The following TEKTL1 variants were observed in gnomAD, a reference collection of about 807,000 sequenced individuals.
TEKTL1 encodes tektin like 1.
At chr19:15,021,986 C>CT in the TEKTL1 span, 1 of 1,241,540 alleles carries the variant, frequency 8.1e-7, no homozygotes, top group Non-Finnish European at 1.2e-6. Context: ...TCCTCAAGCA[C>CT]ATCTGGACCA....
the TEKTL1 span, among the ~76,000 whole-genome samples, chr19:15,014,738 C>CGGGGGGGGGGGG: frequency 3.0e-4 from 9 of 29,810 alleles, no homozygotes; most frequent in African/African-American, 1.2e-3. Context: ...GGGCGGGGGG[C>CGGGGGGGGGGGG]GGGGGCTGCT....
chr19:15,013,803 G>C, the TEKTL1 span: 1 of 1,436,646 alleles, frequency 7.0e-7, no homozygotes, highest in Non-Finnish European at 9.7e-7. Context: ...GACAAGTTAC[G>C]GGGGCTGGAG....
At chr19:15,019,324 T>A in the TEKTL1 span, among the ~76,000 whole-genome samples, 2 of 152,236 alleles carry the variant, frequency 1.3e-5, no homozygotes, top group Non-Finnish European at 2.9e-5. Flanking sequence ...ATACAATTTT[T>A]ATTTATCAAT....
chr19:15,011,324 G>T, the TEKTL1 span: 1 of 1,516,134 alleles, frequency 6.6e-7, no homozygotes, highest in South Asian at 1.3e-5. Flanking sequence ...CAGGCTCAGC[G>T]AAGTGCGCAA....
chr19:15,013,182 C>T, the TEKTL1 span, among the ~76,000 whole-genome samples: 7 of 152,148 alleles, frequency 4.6e-5, no homozygotes, highest in African/African-American at 1.7e-4. Context: ...AAATTCCTGC[C>T]TCCCGGGGGA....
the TEKTL1 span, chr19:15,013,826 C>A: frequency 8.2e-7 from 1 of 1,216,918 alleles, no homozygotes; most frequent in Non-Finnish European, 1.2e-6. Context: ...GGATCCCTGG[C>A]TGCCTAATGG....
the TEKTL1 span, among the ~76,000 whole-genome samples, chr19:15,016,672 A>G: frequency 8.6e-4 from 131 of 152,354 alleles, 1 homozygote; most frequent in African/African-American, 3.1e-3. Context: ...TACACTCTGT[A>G]GGATTCCATT....
chr19:15,022,929 T>C, the TEKTL1 span: 2 of 1,610,130 alleles, frequency 1.2e-6, no homozygotes, highest in Non-Finnish European at 1.7e-6. Flanking sequence ...GACGAGCTGC[T>C]CGCCACGCAC....
the TEKTL1 span, among the ~76,000 whole-genome samples, chr19:15,019,399 A>T: frequency 8.5e-5 from 13 of 152,252 alleles, no homozygotes; most frequent in Non-Finnish European, 1.2e-4. Context: ...CTTACTACAA[A>T]AAAATGATAA....
chr19:15,022,100 T>C, the TEKTL1 span, among the ~76,000 whole-genome samples: 1 of 151,990 alleles, frequency 6.6e-6, no homozygotes, highest in African/African-American at 2.4e-5. Context: ...TGGCGGGGGC[T>C]TCAGTGGGTA....
At chr19:15,011,407 C>A in the TEKTL1 span, 1 of 1,412,952 alleles carries the variant, frequency 7.1e-7, no homozygotes, top group Non-Finnish European at 9.2e-7. Flanking sequence ...TGGGACCCTC[C>A]CCCACGCCCA....
the TEKTL1 span, chr19:15,021,469 C>A: frequency 1.9e-5 from 30 of 1,614,040 alleles, no homozygotes; most frequent in African/African-American, 2.3e-4. Flanking sequence ...GATAAGCGAC[C>A]GTGTGTGTGC....
At chr19:15,015,903 C>A in the TEKTL1 span, among the ~76,000 whole-genome samples, 2 of 152,288 alleles carry the variant, frequency 1.3e-5, no homozygotes, top group Admixed American at 1.3e-4. Context: ...CCTCTAGATA[C>A]CCATTTCTCT....
At chr19:15,021,792 C>T in the TEKTL1 span, 15 of 1,613,222 alleles carry the variant, frequency 9.3e-6, no homozygotes, top group South Asian at 1.6e-4. Flanking sequence ...CGCTTGCACA[C>T]CGCACCCCAC....
the TEKTL1 span, chr19:15,011,354 C>A: frequency 6.8e-7 from 1 of 1,460,688 alleles, no homozygotes; most frequent in Non-Finnish European, 9.0e-7. Context: ...TATTAACCAG[C>A]AGAGCGTCAA....
chr19:15,011,270 G>T, the TEKTL1 span: 15 of 1,520,050 alleles, frequency 9.9e-6, no homozygotes, highest in Middle Eastern at 1.7e-4. Context: ...CCAGATTAAC[G>T]GGCGGGTGCG....
the TEKTL1 span, among the ~76,000 whole-genome samples, chr19:15,018,117 C>G: frequency 2.0e-5 from 3 of 152,186 alleles, no homozygotes; most frequent in Non-Finnish European, 4.4e-5. Flanking sequence ...CTTTGGGAGG[C>G]TGAGGCGGGT....
At chr19:15,019,973 A>AAT in the TEKTL1 span, among the ~76,000 whole-genome samples, 7 of 150,416 alleles carry the variant, frequency 4.7e-5, no homozygotes, top group African/African-American at 9.8e-5. Flanking sequence ...AAAAAAAAAT[A>AAT]ATATATATAT....
the TEKTL1 span, chr19:15,020,507 G>T: frequency 6.2e-7 from 1 of 1,613,706 alleles, no homozygotes. Context: ...TTCAAGGAGC[G>T]GCTCCAAGCC....
Sources: gnomAD v4.1 joint callset for allele counts (sites outside exome capture counted in the v4.1 genomes callset) on GRCh38, gnomAD v4.1.1 for gene constraint, MANE v1.5 for transcripts, NCBI Gene and HGNC (gene_info 2026-07-23, HGNC 2026-07-21) for gene names.